Variants in PYGM observed in about 807,000 individuals in gnomAD.
PYGM encodes the protein glycogen phosphorylase, muscle associated.
A neutral mutation model predicts 99.3 loss-of-function variants in PYGM; 81 were observed. That is an observed-to-expected ratio of 0.82 (90% CI 0.68 to 0.98). The LOEUF is 0.98. Ranked by LOEUF, PYGM falls within the 50% of genes least tolerant of loss-of-function variation. PYGM has a pLI of 0.00. For synonymous variants in PYGM, 436 were observed against 451.5 expected (o/e 0.97, Z 0.44); for missense variants, 1,030 against 1,158.1 (o/e 0.89, Z 1.61).
intron 12 of PYGM, 57 bp downstream of exon 12, chr11:64,753,016 C>T: frequency 6.9e-7 from 1 of 1,458,906 alleles, no homozygotes; most frequent in Non-Finnish European, 9.6e-7. Flanking sequence ...CGACCATACC[C>T]AGCTGATCCC....
Position 64,754,356 on chromosome 11 carries a change from G to A in PYGM, c.1000-11C>T. 1.3e-6 allele frequency: 2 copies of A among 1,593,520 alleles called. No homozygotes were observed. Among genetic ancestry groups the A allele is most frequent in the Non-Finnish European group, 1.7e-6 (2 of 1,161,944 alleles). On this transcript the variant is annotated splice_polypyrimidine_tract_variant and intron_variant, in intron 8 of 19. Transcript: ENST00000164139. The surrounding 1 kb of genome is among the most constrained non-coding windows in gnomAD (Gnocchi z 5.5). ...GAGCTGGATGGCCACCTGGGGTAGG[G>A]GGAGGGGTCAGTCTGGGCTCCAAAC...
Position 64,752,500 on chromosome 11 carries a change from A to T in PYGM, c.1523T>A (p.Ile508Asn). 6.2e-7 allele frequency: 1 copy of T among 1,613,832 alleles called. No individual in the cohort carries two copies. The highest frequency in any genetic ancestry group is 8.5e-7 in the Non-Finnish European group (1 of 1,179,776). Residue 508 changes from isoleucine to asparagine, a missense_variant, in exon 13 of 20, where the codon ATC (isoleucine) becomes AAC (asparagine). Coordinates refer to ENST00000164139, the MANE Select transcript of PYGM (RefSeq NM_005609.4). ...PGLAEVIAER[I>N]GEDFISDLDQ... The stretch of plus-strand genomic sequence containing the variant: ...CAGGTCAGAGATGAAGTCCTCCCCG[A>T]TGCGCTATGGGAAGACGGCTCTCAG...
chr11:64,759,675 T>A lies in PYGM; in HGVS notation c.224A>T (p.Tyr75Phe). The A allele has an allele frequency of 4.3e-6, 7 of 1,613,964 alleles. No homozygotes were observed. Among genetic ancestry groups the A allele is most frequent in the African/African-American group, 4.0e-5 (3 of 75,042 alleles). ...CAGCACCTTGGGGTCCTTCTCATAG[T>A]AGTGCTGCTGCGTGCGGATCCAGCG... Reference protein sequence around the residue: ...VGRWIRTQQHYYEKDPKRIYY... With the variant: ...VGRWIRTQQHFYEKDPKRIYY... The change falls in exon 1 of 20, where the codon TAC (tyrosine) becomes TTC (phenylalanine). Residue 75 changes from tyrosine (Y) to phenylalanine (F), a missense_variant. Physicochemically the swap from Tyr to Phe is conservative, Grantham distance 22. Coordinates refer to ENST00000164139, the MANE Select transcript of PYGM (RefSeq NM_005609.4).
Position 64,759,915 on chromosome 11 carries a change from GC to G in PYGM, c.-18del. On this transcript the variant is annotated 5_prime_UTR_variant, in exon 1 of 20. Transcript: ENST00000164139. ...CCGGGACATGGCTGCAGGAGGGCGGGCCGGACTGGACTGATGGTAGAGGGGA... is the reference window on the plus strand; with the variant it reads ...CCGGGACATGGCTGCAGGAGGGCGGGCGGACTGGACTGATGGTAGAGGGGA... 1 of 1,613,594 alleles carries G rather than the reference GC, an allele frequency of 6.2e-7. No individual in the cohort carries two copies. Among genetic ancestry groups the G allele is most frequent in the Non-Finnish European group, 8.5e-7 (1 of 1,179,916 alleles).
chr11:64,749,150 C>T (rs1217272895), intron 17 of PYGM, among the ~76,000 whole-genome samples: 1 of 150,610 alleles, frequency 6.6e-6, no homozygotes, highest in Non-Finnish European at 1.5e-5. Context: ...AGATAGAGAC[C>T]ATCCTGGCCA....
intron 17 of PYGM, chr11:64,748,618 C>T (rs1027386767): frequency 9.9e-5 from 15 of 152,144 alleles, no homozygotes; most frequent in African/African-American, 3.6e-4. Flanking sequence ...ATTTAACAAA[C>T]CGGAAATTAA....
rs1054545498 is a variant in PYGM, at chr11:64,754,949, C to T, written c.856-113G>A. The T allele has an allele frequency of 1.3e-5, 19 of 1,448,432 alleles. No homozygotes were observed. The African/African-American group carries it at 1.7e-4, about 13-fold the overall frequency. The allele number at this position is 1,448,432 out of a possible 1,614,324, so 89.7% of individuals were successfully genotyped here. On this transcript the variant is annotated intron_variant, in intron 7 of 19. Coordinates refer to ENST00000164139, the MANE Select transcript of PYGM (RefSeq NM_005609.4). This position sits in a 1 kb window ranked among gnomAD's most constrained non-coding sequence, Gnocchi z 5.5. ...ATACCGGGACCCCTGAGCCCTGAGC[C>T]GGCCCCCTCTCTGGGACCCAGGGGC... is the stretch of plus-strand genomic sequence containing the variant.
At chr11:64,751,173 T>C (rs111801074) in intron 16 of PYGM, 152 bp downstream of exon 16, 2 of 1,183,526 alleles carry the variant, frequency 1.7e-6, no homozygotes, top group African/African-American at 1.5e-5. Context: ...ATTACAGGCA[T>C]GGGCCACTGC....
At chr11:64,753,449 G>A (rs2058370306) in intron 11 of PYGM, 70 bp downstream of exon 11, 12 of 1,507,966 alleles carry the variant, frequency 8.0e-6, no homozygotes, top group Non-Finnish European at 9.8e-6. Flanking sequence ...GAAGGGCGGG[G>A]CTTCTGTGTG....
intron 5 of PYGM, among the ~76,000 whole-genome samples, chr11:64,756,200 G>A (rs1238056953): frequency 3.9e-5 from 6 of 152,208 alleles, no homozygotes; most frequent in Admixed American, 3.3e-4. Flanking sequence ...GAGAGGGAAG[G>A]GACCCATCCC....
intron 4 of PYGM, 54 bp downstream of exon 4, chr11:64,758,191 TG>T: frequency 6.5e-7 from 1 of 1,534,572 alleles, no homozygotes; most frequent in Non-Finnish European, 9.0e-7. Flanking sequence ...GATAAACAAG[TG>T]GGGGTCTTCC....
chr11:64,758,748 A>G, intron 1 of PYGM, 44 bp from the exon 2 acceptor site: 1 of 1,515,978 alleles, frequency 6.6e-7, no homozygotes, highest in Non-Finnish European at 9.2e-7. Context: ...TCAGGGCCAC[A>G]CACCAACACT....
rs577821154 is a variant in PYGM, at chr11:64,753,649, G to A, written c.1273C>T (p.Arg425Trp). The part of the protein sequence containing the change: ...VAAAFPGDVD[R>W]LRRMSLVEEG... ...TCCACCAGCGACATGCGCCGCAGCC[G>A]GTCTACGTCCCCTGGGAATGCGGCC... Residue 425 changes from arginine to tryptophan, a missense_variant, in exon 11 of 20, where the codon CGG becomes TGG. Transcript: ENST00000164139. 4.3e-5 allele frequency: 69 copies of A among 1,608,740 alleles called. No individual in the cohort carries two copies. Among genetic ancestry groups the A allele is most frequent in the South Asian group, 1.2e-4 (11 of 90,670 alleles).
chr11:64,748,643 C>T (rs2058331174), intron 17 of PYGM: 1 of 152,142 alleles, frequency 6.6e-6, no homozygotes, highest in African/African-American at 2.4e-5. Context: ...AGTGTCCAGC[C>T]ACATGGAATT....
At chr11:64,758,574 C>T in intron 2 of PYGM, 29 bp downstream of exon 2, 1 of 1,612,952 alleles carries the variant, frequency 6.2e-7, no homozygotes, top group Middle Eastern at 1.7e-4. Flanking sequence ...ATCCCCCAGT[C>T]CCCACGGCTT....
Position 64,747,343 on chromosome 11 carries a change from C to T in PYGM, c.2193G>A (p.Glu731=). 1.2e-6 allele frequency: 2 copies of T among 1,614,212 alleles called. No individual in the cohort carries two copies. The highest frequency in any genetic ancestry group is 1.7e-6 in the Non-Finnish European group (2 of 1,180,036). The change falls in exon 18 of 20, where the codon GAG becomes GAA. Residue 731 remains glutamate (E), a synonymous_variant. Transcript: ENST00000164139. ...KLDQRGYNAQ[E]YYDRIPELRQ... is the part of the protein sequence containing the mutation. ...GAAGCTCAGGAATGCGATCGTAGTACTCCTGGGCATTGTACCTGCCAGGAC... is the reference window on the plus strand; with the variant it reads ...GAAGCTCAGGAATGCGATCGTAGTATTCCTGGGCATTGTACCTGCCAGGAC...
Position 64,750,603 on chromosome 11 carries a change from G to A in PYGM, c.1970-20C>T. On this transcript the variant is annotated intron_variant, in intron 16 of 19. Transcript: ENST00000164139. ...GGATCACTGTGGGGTGGCAGCAGGG[G>A]GACAAGTCAACTCAGGGAAGACCCT... 4 of 1,612,484 alleles carry A rather than the reference G, an allele frequency of 2.5e-6. No individual in the cohort carries two copies. Among genetic ancestry groups the A allele is most frequent in the Middle Eastern group, 1.7e-4 (1 of 6,058 alleles).
At chr11:64,758,156 G>A in intron 4 of PYGM, 90 bp downstream of exon 4, 1 of 1,463,400 alleles carries the variant, frequency 6.8e-7, no homozygotes, top group Non-Finnish European at 9.6e-7. Flanking sequence ...GAGCTTGCGG[G>A]GCTGTTTCGG....
In PYGM at chr11:64,753,872, G is replaced by A. The variant is rs1382003123; in HGVS notation, c.1239+7C>T. ...CCCCACACCATCCCCCAAGCCTCCG[G>A]ACTCACGTTGAGGAAGCGCTGGTTG... On this transcript the variant is annotated splice_region_variant and intron_variant, in intron 10 of 19. Coordinates refer to ENST00000164139, the MANE Select transcript of PYGM (RefSeq NM_005609.4). 3 of 1,567,164 alleles carry A rather than the reference G, an allele frequency of 1.9e-6. No homozygotes were observed. In the Admixed American group the frequency reaches 5.6e-5, roughly 29 times the overall value.
Sources: allele counts gnomAD v4.1 joint callset (sites outside exome capture counted in the v4.1 genomes callset), GRCh38; gene constraint gnomAD v4.1.1; non-coding constraint Gnocchi (gnomAD v3.1); transcripts MANE v1.5; gene names NCBI Gene and HGNC (gene_info 2026-07-23, HGNC 2026-07-21).